TMEM204: variants seen among roughly 807,000 people sequenced by gnomAD.
TMEM204 encodes the protein claudin-like protein 24.
Under a neutral mutation model 19.4 loss-of-function variants are expected in TMEM204, and 15 were observed. The ratio of observed to expected loss-of-function variants is 0.77; its 90% CI spans 0.52 to 1.19. The LOEUF is 1.19. Among genes scored for constraint, TMEM204 ranks in the 50% most tolerant of loss-of-function variants. The pLI is 0.00. For synonymous variants in TMEM204, 161 were observed against 146.0 expected (o/e 1.10, Z -0.74); for missense variants, 287 against 321.2 (o/e 0.89, Z 0.81).
chr16:1,545,652 G>A (rs1348469796), intron 2 of TMEM204, among the ~76,000 whole-genome samples: 1 of 152,242 alleles, frequency 6.6e-6, no homozygotes, highest in African/African-American at 2.4e-5. Context: ...CTCGGCAGAG[G>A]TGGGGTGGGC....
chr16:1,550,629 C>T (rs137889294), intron 2 of TMEM204, among the ~76,000 whole-genome samples: 1 of 152,134 alleles, frequency 6.6e-6, no homozygotes, highest in African/African-American at 2.4e-5. Flanking sequence ...GGCAGGAGGC[C>T]GGGCTCAGTT....
upstream of TMEM204, chr16:1,531,943 GC>G (rs2030540531): frequency 1.3e-5 from 2 of 152,266 alleles, no homozygotes; most frequent in Admixed American, 1.3e-4. The surrounding 1 kb of genome is among the most constrained non-coding windows in gnomAD (Gnocchi z 4.7). Flanking sequence ...TTGGAAGTTA[GC>G]CATTTGAAGA....
At chr16:1,550,263 A>G (rs2032524694) in intron 2 of TMEM204, among the ~76,000 whole-genome samples, 3 of 152,168 alleles carry the variant, frequency 2.0e-5, no homozygotes, top group East Asian at 1.9e-4. Flanking sequence ...ATTTAGAAAC[A>G]GTGTTCTTGG....
chr16:1,529,869 T>C (rs999670368), upstream of TMEM204, among the ~76,000 whole-genome samples: 1 of 152,122 alleles, frequency 6.6e-6, no homozygotes, highest in Non-Finnish European at 1.5e-5. Flanking sequence ...CGTCAGCAAA[T>C]GATGCACGTG....
chr16:1,538,214 C>T (rs1376125901), intron 1 of TMEM204, among the ~76,000 whole-genome samples: 1 of 152,184 alleles, frequency 6.6e-6, no homozygotes, highest in Non-Finnish European at 1.5e-5. Flanking sequence ...GTGAGCCATG[C>T]ACCCTGGGGA....
chr16:1,553,753 GA>G lies in TMEM204; in HGVS notation c.437-1028del. 1.7e-6 allele frequency: 2 copies of G among 1,156,786 alleles called. No individual in the cohort carries two copies. The highest frequency in any genetic ancestry group is 3.6e-5 in the South Asian group (2 of 55,082). The allele number at this position is 1,156,786 out of a possible 1,614,324, so 71.7% of individuals were successfully genotyped here. On this transcript the variant is annotated intron_variant, in intron 2 of 2. Coordinates refer to ENST00000566264, the MANE Select transcript of TMEM204 (RefSeq NM_024600.6). The surrounding 1 kb of genome is among the most constrained non-coding windows in gnomAD (Gnocchi z 4.4). ...CATCCCCATGGCTGTAGGGGATGAG[GA>G]GGGGCAGGGCCATGTGGACAGCCTC...
At chr16:1,545,760 A>G (rs2032115970) in intron 2 of TMEM204, among the ~76,000 whole-genome samples, 1 of 152,218 alleles carries the variant, frequency 6.6e-6, no homozygotes, top group African/African-American at 2.4e-5. Flanking sequence ...CACTGAAAGG[A>G]AGGCTCCTTG....
intron 2 of TMEM204, among the ~76,000 whole-genome samples, chr16:1,544,712 G>A (rs1439170534): frequency 4.6e-5 from 7 of 150,584 alleles, no homozygotes; most frequent in Non-Finnish European, 8.9e-5. Context: ...GCAGTGGCGC[G>A]ATCTCGGCTC....
At chr16:1,544,824 A>G (rs2032018285) in intron 2 of TMEM204, among the ~76,000 whole-genome samples, 4 of 147,036 alleles carry the variant, frequency 2.7e-5, no homozygotes, top group African/African-American at 7.6e-5. Flanking sequence ...AATTTTTTGT[A>G]TTTTTAGTAG....
chr16:1,540,624 G>A (rs978119990), intron 1 of TMEM204, among the ~76,000 whole-genome samples: 17 of 152,232 alleles, frequency 1.1e-4, no homozygotes, highest in African/African-American at 3.9e-4. Context: ...GCGGGCACAG[G>A]GACCTGCTCC....
chr16:1,553,876 T>C lies in TMEM204; in HGVS notation c.437-906T>C, dbSNP rs1367275407. On this transcript the variant is annotated intron_variant, in intron 2 of 2. Transcript: ENST00000566264. The surrounding 1 kb of genome is among the most constrained non-coding windows in gnomAD (Gnocchi z 4.4). Reference sequence around the variant, plus strand: ...TGTTATCCTAGTTGGTAGACTCTAGTCACGAAACCCTGATTTTCCTGTTGT... The same window carrying C: ...TGTTATCCTAGTTGGTAGACTCTAGCCACGAAACCCTGATTTTCCTGTTGT... The C allele has an allele frequency of 1.4e-5, 18 of 1,254,834 alleles. No individual in the cohort carries two copies. Among genetic ancestry groups the C allele is most frequent in the Non-Finnish European group, 1.8e-5 (17 of 970,998 alleles). The allele number at this position is 1,254,834 out of a possible 1,614,324, so 77.7% of individuals were successfully genotyped here. A position where few individuals can be genotyped will look rare whatever the true frequency, so the allele number is the denominator to read the frequency against.
chr16:1,537,309 G>C (rs188079235), intron 1 of TMEM204, among the ~76,000 whole-genome samples: 1 of 152,246 alleles, frequency 6.6e-6, no homozygotes. Flanking sequence ...TGAGGCCCGC[G>C]TGGATGTCTC....
Position 1,534,377 on chromosome 16 carries a change from G to A in TMEM204, c.102G>A (p.Thr34=), listed in dbSNP as rs1027501499. The change falls in exon 1 of 3, where the codon ACG becomes ACA. Residue 34 remains threonine (T), a synonymous_variant. Coordinates refer to ENST00000566264, the MANE Select transcript of TMEM204 (RefSeq NM_024600.6). ...TCACCTCCAACTGGGTGTGCCAGAC[G>A]CTGGAGGATGGGCGCAGGCGCAGCG... ...AAFTSNWVCQ[T]LEDGRRRSVG... is the part of the protein sequence containing the mutation. 6.2e-6 allele frequency: 10 copies of A among 1,612,740 alleles called. No individual in the cohort carries two copies. Among genetic ancestry groups the A allele is most frequent in the African/African-American group, 2.7e-5 (2 of 74,936 alleles).
rs1156907218 is a variant in TMEM204 at position 1,553,078 on chromosome 16, A to G, written c.437-1704A>G. 1 of 985,336 alleles carries G rather than the reference A, an allele frequency of 1.0e-6. No homozygotes were observed. The highest frequency in any genetic ancestry group is 1.2e-6 in the Non-Finnish European group (1 of 829,942). 61.0% of individuals were successfully genotyped at this position (985,336 alleles called of 1,614,324 possible). A position where few individuals can be genotyped will look rare whatever the true frequency, so the allele number is the denominator to read the frequency against. ...TCATTGTTCAGGACAAAATGGAGATAGATAAATGCTTAATTCATACTTTCT... is the reference window on the plus strand; with the variant it reads ...TCATTGTTCAGGACAAAATGGAGATGGATAAATGCTTAATTCATACTTTCT... On this transcript the variant is annotated intron_variant, in intron 2 of 2. Coordinates refer to ENST00000566264, the MANE Select transcript of TMEM204 (RefSeq NM_024600.6). The surrounding 1 kb of genome is among the most constrained non-coding windows in gnomAD (Gnocchi z 4.4).
chr16:1,531,036 CA>C (rs2030429517), upstream of TMEM204: 1 of 152,196 alleles, frequency 6.6e-6, no homozygotes, highest in Non-Finnish European at 1.5e-5. The surrounding 1 kb of genome is among the most constrained non-coding windows in gnomAD (Gnocchi z 4.7). Context: ...GCTCCTTCCA[CA>C]GCCAGCCTCC....
intron 2 of TMEM204, among the ~76,000 whole-genome samples, chr16:1,550,263 AG>A (rs958007054): frequency 1.3e-5 from 2 of 152,168 alleles, no homozygotes; most frequent in African/African-American, 4.8e-5. Flanking sequence ...ATTTAGAAAC[AG>A]TGTTCTTGGA....
Position 1,554,901 on chromosome 16 carries a change from C to A in TMEM204, c.556C>A (p.Leu186Ile). 1 of 1,614,248 alleles carries A rather than the reference C, an allele frequency of 6.2e-7. No individual in the cohort carries two copies. Among genetic ancestry groups the A allele is most frequent in the East Asian group, 2.2e-5 (1 of 44,890 alleles). The stretch of plus-strand genomic sequence containing the variant: ...TCTGGCCACGCTGGCGGCAGCCATG[C>A]TCATCTGGAACATTCTCCACAAGAG... ...CLLATLAAAM[L>I]IWNILHKRED... is the part of the protein sequence containing the mutation. The change falls in exon 3 of 3, where the codon CTC becomes ATC. Residue 186 changes from leucine to isoleucine, a missense_variant. Physicochemically the swap from Leu to Ile is conservative, Grantham distance 5. Coordinates refer to ENST00000566264, the MANE Select transcript of TMEM204 (RefSeq NM_024600.6).
upstream of TMEM204, among the ~76,000 whole-genome samples, chr16:1,529,881 A>C (rs757943892): frequency 3.3e-5 from 5 of 152,172 alleles, no homozygotes; most frequent in Non-Finnish European, 4.4e-5. Flanking sequence ...ATGCACGTGG[A>C]GTGCAGTGCA....
rs1007968998 is a variant in TMEM204, at chr16:1,553,638, C to A, written c.437-1144C>A. On this transcript the variant is annotated intron_variant, in intron 2 of 2. Transcript: ENST00000566264. This position sits in a 1 kb window ranked among gnomAD's most constrained non-coding sequence, Gnocchi z 4.4. The stretch of plus-strand genomic sequence containing the variant: ...AACAGACTCACTCAGGTTACTGTAA[C>A]AGAGAGGGAGGGGTGCTGGGTGGGC... 7 of 1,059,054 alleles carry A rather than the reference C, an allele frequency of 6.6e-6. No homozygotes were observed. The East Asian group carries it at 4.4e-4, about 66-fold the overall frequency. 65.6% of individuals were successfully genotyped at this position (1,059,054 alleles called of 1,614,324 possible).
Sources: allele counts gnomAD v4.1 joint callset (sites outside exome capture counted in the v4.1 genomes callset), GRCh38; gene constraint gnomAD v4.1.1; non-coding constraint Gnocchi (gnomAD v3.1); transcripts MANE v1.5; gene names NCBI Gene and HGNC (gene_info 2026-07-23, HGNC 2026-07-21).